EP400: variants seen among roughly 807,000 people sequenced by gnomAD.
The protein encoded by EP400 is E1A-binding protein p400.
EP400 carries 105 observed loss-of-function variants against 354.1 expected under a neutral mutation model. The ratio of observed to expected loss-of-function variants is 0.30; its 90% CI spans 0.25 to 0.35. The LOEUF is 0.35. EP400 is among the 10% of genes least tolerant of loss of function. EP400 has a pLI of 1.00. For synonymous variants in EP400, 1,646 were observed against 1,716.9 expected (o/e 0.96, Z 1.02); for missense variants, 3,280 against 4,121.0 (o/e 0.80, Z 5.59).
chr12:131,992,021 G>T, intron 10 of EP400, 152 bp from the exon 11 acceptor site: 1 of 743,272 alleles, frequency 1.3e-6, no homozygotes. Flanking sequence ...TCGCTCCCCC[G>T]CTGCCCTGCC....
intron 12 of EP400, among the ~76,000 whole-genome samples, chr12:132,004,657 A>T (rs1250867478): frequency 6.6e-6 from 1 of 152,172 alleles, no homozygotes; most frequent in East Asian, 1.9e-4. Context: ...AAAGATTCTC[A>T]TCTTTATAGA....
intron 29 of EP400, chr12:132,031,416 A>T: frequency 1.9e-6 from 1 of 518,280 alleles, no homozygotes; most frequent in East Asian, 5.4e-5. Context: ...GATGTTATTT[A>T]AACTGTGCAT....
Position 132,077,942 on chromosome 12 carries a change from C to A in EP400, c.*269C>A, listed in dbSNP as rs768754449. The A allele has an allele frequency of 8.9e-5, 43 of 484,632 alleles. No individual in the cohort carries two copies. The highest frequency in any genetic ancestry group is 2.7e-4 in the Admixed American group (7 of 26,318). 30.0% of individuals were successfully genotyped at this position (484,632 alleles called of 1,614,324 possible). ...AAATCATTTCACCTTTCAGTCCCCA[C>A]CCGCACCCGTCCCCTAGAGCCATAG... On this transcript the variant is annotated 3_prime_UTR_variant, in exon 53 of 53. Transcript: ENST00000389561.
At chr12:131,988,007 T>TTTG in intron 7 of EP400, 117 bp downstream of exon 7, 1 of 869,916 alleles carries the variant, frequency 1.1e-6, no homozygotes, top group East Asian at 3.3e-5. Context: ...TTTTTTTTTT[T>TTTG]TCCCCCAGAC....
intron 45 of EP400, among the ~76,000 whole-genome samples, chr12:132,058,813 G>A (rs1895599585): frequency 1.4e-5 from 2 of 147,770 alleles, no homozygotes; most frequent in Admixed American, 6.7e-5. Flanking sequence ...TTTTGCGACA[G>A]CATCTTGCTG....
rs561801837 is a variant in EP400 at position 131,961,590 on chromosome 12, G to C, written c.971G>C (p.Arg324Thr). The C allele has an allele frequency of 6.4e-7, 1 of 1,558,014 alleles. No homozygotes were observed. Among genetic ancestry groups the C allele is most frequent in the South Asian group, 1.2e-5 (1 of 86,244 alleles). ...CCACCCCCGCCCACCAGCCCTTCCA[G>C]GACTGCCGTGCCCCCAGGCCTTTCC... ...TSPPPPTSPS[R>T]TAVPPGLSSL... is the part of the protein sequence containing the mutation. The change falls in exon 2 of 53, where the codon AGG becomes ACG. Residue 324 changes from arginine (R) to threonine (T), a missense_variant. Arg to Thr is a moderately conservative substitution (Grantham distance 71). Transcript: ENST00000389561.
rs1895358318 is a variant in EP400 at position 132,053,081 on chromosome 12, G to A, written c.7395-65G>A. On this transcript the variant is annotated intron_variant, in intron 41 of 52. Coordinates refer to ENST00000389561, the MANE Select transcript of EP400 (RefSeq NM_015409.5). ...CACCTGGCAGCATGGTGTTTCTAGG[G>A]TACGTGGTACTTGTCTGTCTTAAAA... The A allele has an allele frequency of 9.1e-6, 14 of 1,539,582 alleles. No homozygotes were observed. In the South Asian group the frequency reaches 1.3e-4, roughly 15 times the overall value.
chr12:132,049,374 T>C (rs1301167723), intron 39 of EP400, among the ~76,000 whole-genome samples: 3 of 152,266 alleles, frequency 2.0e-5, no homozygotes, highest in African/African-American at 7.2e-5. Context: ...AATGCTTCCC[T>C]GTATGGTACA....
intron 19 of EP400, among the ~76,000 whole-genome samples, chr12:132,014,550 A>G (rs1329274954): frequency 6.6e-6 from 1 of 152,176 alleles, no homozygotes; most frequent in Non-Finnish European, 1.5e-5. Flanking sequence ...GTTTAGATGA[A>G]AAAAACACAA....
intron 15 of EP400, among the ~76,000 whole-genome samples, chr12:132,007,825 A>G (rs1252921153): frequency 6.6e-6 from 1 of 152,188 alleles, no homozygotes; most frequent in Non-Finnish European, 1.5e-5. Context: ...CGATGACCCC[A>G]TGGGTGCTCT....
intron 5 of EP400, 79 bp from the exon 6 acceptor site, chr12:131,986,435 G>A: frequency 7.0e-7 from 1 of 1,438,808 alleles, no homozygotes; most frequent in Non-Finnish European, 9.4e-7. Context: ...CTGGTGCTGT[G>A]GGCGCTCAGG....
At chr12:131,966,132 G>A (rs1279732794) in intron 2 of EP400, among the ~76,000 whole-genome samples, 1 of 152,094 alleles carries the variant, frequency 6.6e-6, no homozygotes, top group African/African-American at 2.4e-5. Context: ...GCACACACCT[G>A]TAATCCCAGC....
chr12:132,076,508 T>C lies in EP400; in HGVS notation c.9022-8T>C, dbSNP rs1593394047. 1.9e-6 allele frequency: 3 copies of C among 1,614,174 alleles called. No homozygotes were observed. Among genetic ancestry groups the C allele is most frequent in the East Asian group, 2.2e-5 (1 of 44,888 alleles). On this transcript the variant is annotated splice_polypyrimidine_tract_variant and splice_region_variant and intron_variant, in intron 51 of 52. Coordinates refer to ENST00000389561, the MANE Select transcript of EP400 (RefSeq NM_015409.5). ...ATTGTATGTTTGGCTTTTTTTGTTT[T>C]GTCAAAGGTTGCAAAACTTCCTCAA...
chr12:132,009,414 T>C (rs1250048538), intron 15 of EP400, among the ~76,000 whole-genome samples: 1 of 152,012 alleles, frequency 6.6e-6, no homozygotes, highest in Admixed American at 6.5e-5. Context: ...AGATGAACCT[T>C]GAAATGGGCT....
chr12:132,064,541 C>G (rs1336615252), intron 47 of EP400, 127 bp from the exon 48 acceptor site: 7 of 1,296,412 alleles, frequency 5.4e-6, no homozygotes, highest in African/African-American at 1.5e-5. Context: ...GGTCTGGATG[C>G]TGCACGGTAG....
At position 132,043,413 on chromosome 12, in the gene EP400, G is replaced by C; in HGVS notation, c.6317G>C (p.Cys2106Ser). ...ALSSDSENMP[C>S]DEEPSQLEEL... ...TCATCAGACTCTGAGAACATGCCGT[G>C]TGATGAAGAACCATCCCAATTAGAG... The change falls in exon 33 of 53, where the codon TGT becomes TCT. Residue 2106 changes from cysteine to serine, a missense_variant. By Grantham distance (112) the Cys-to-Ser change is moderately radical. This residue lies in a region of EP400 where 54 missense variants were observed against 41.3 expected (regional missense o/e 1.31). Coordinates refer to ENST00000389561, the MANE Select transcript of EP400 (RefSeq NM_015409.5). 6.2e-7 allele frequency: 1 copy of C among 1,613,608 alleles called. No individual in the cohort carries two copies. The highest frequency in any genetic ancestry group is 8.5e-7 in the Non-Finnish European group (1 of 1,180,030).
chr12:131,982,088 T>G lies in EP400; in HGVS notation c.1544-5T>G. ...AGTGCTTTTGGCACTTTTCTTATTT[T>G]GCAGGAGGAATGCCCCCCACGCCGC... is the stretch of plus-strand genomic sequence containing the variant. On this transcript the variant is annotated splice_polypyrimidine_tract_variant and splice_region_variant and intron_variant, in intron 4 of 52. Transcript: ENST00000389561. 1 of 1,505,610 alleles carries G rather than the reference T, an allele frequency of 6.6e-7. No individual in the cohort carries two copies. Among genetic ancestry groups the G allele is most frequent in the South Asian group, 1.3e-5 (1 of 75,900 alleles). The allele number at this position is 1,505,610 out of a possible 1,614,324, so 93.3% of individuals were successfully genotyped here.
Position 132,044,230 on chromosome 12 carries a change from G to A in EP400, c.6504G>A (p.Leu2168=), listed in dbSNP as rs191918475. Residue 2168 remains leucine (L), a synonymous_variant, in exon 35 of 53, where the codon CTG becomes CTA. Transcript: ENST00000389561. The part of the protein sequence containing the change: ...RAWEFWNLKT[L]QEREARLRLE... ...GGGAGTTCTGGAACCTGAAGACCCT[G>A]CAGGAGAGGGAGGCCCGGCTGCGGC... is the stretch of plus-strand genomic sequence containing the variant. The A allele has an allele frequency of 8.7e-6, 14 of 1,614,234 alleles. No individual in the cohort carries two copies. In the African/African-American group the frequency reaches 1.7e-4, roughly 20 times the overall value.
chr12:132,059,797 C>A (rs1188484377), intron 45 of EP400, among the ~76,000 whole-genome samples: 1 of 151,724 alleles, frequency 6.6e-6, no homozygotes, highest in Admixed American at 6.6e-5. Flanking sequence ...GGGCGGATCA[C>A]GAGGTCAGGA....
Sources: allele counts gnomAD v4.1 joint callset (sites outside exome capture counted in the v4.1 genomes callset), GRCh38; gene constraint gnomAD v4.1.1; regional missense constraint gnomAD v4.1.1; transcripts MANE v1.5; gene names NCBI Gene and HGNC (gene_info 2026-07-23, HGNC 2026-07-21).